KCNU1: variants seen among roughly 807,000 people sequenced by gnomAD.
The protein encoded by KCNU1 is potassium channel subfamily U member 1.
KCNU1 carries 93 observed loss-of-function variants against 126.8 expected under a neutral mutation model. The observed-to-expected ratio is 0.73, with a 90% CI of 0.62 to 0.87. The LOEUF is 0.87. Ranked by LOEUF, KCNU1 falls within the 40% of genes least tolerant of loss-of-function variation. The pLI is 0.00. For missense variants in KCNU1, 1,330 were observed against 1,367.1 expected (o/e 0.97, Z 0.43); for synonymous variants, 523 against 494.2 (o/e 1.06, Z -0.77).
chr8:36,923,035 G>C (rs930502609), intron 24 of KCNU1: 2 of 458,290 alleles, frequency 4.4e-6, no homozygotes, highest in African/African-American at 4.0e-5. Flanking sequence ...AGAAGCTCTG[G>C]CCTTTGCTGG....
chr8:36,855,563 T>C (rs551716944), intron 18 of KCNU1, among the ~76,000 whole-genome samples: 308 of 152,278 alleles, frequency 2.0e-3, no homozygotes, highest in African/African-American at 7.1e-3. Flanking sequence ...GAGCTGGAGA[T>C]GAAACTAGTG....
chr8:36,897,986 C>T (rs1322441929), intron 19 of KCNU1, among the ~76,000 whole-genome samples: 1 of 152,056 alleles, frequency 6.6e-6, no homozygotes, highest in Non-Finnish European at 1.5e-5. Flanking sequence ...AATGTTGTAA[C>T]ACTCAGGATG....
intron 10 of KCNU1, among the ~76,000 whole-genome samples, chr8:36,827,434 G>A (rs1293484247): frequency 1.3e-5 from 2 of 152,098 alleles, no homozygotes; most frequent in African/African-American, 4.8e-5. Flanking sequence ...ATCTCAGATT[G>A]GTAGCTGCTT....
chr8:36,870,515 A>G (rs367903007), intron 19 of KCNU1, among the ~76,000 whole-genome samples: 8 of 152,276 alleles, frequency 5.3e-5, no homozygotes, highest in African/African-American at 1.2e-4. Flanking sequence ...TTTAGCCTCA[A>G]TGATGTCTGA....
At chr8:36,806,188 G>A (rs1322647888) in intron 4 of KCNU1, 81 bp from the exon 5 acceptor site, 1 of 748,090 alleles carries the variant, frequency 1.3e-6, no homozygotes, top group Admixed American at 2.8e-5. Context: ...TAAGTAAAAT[G>A]CAGCTGAATA....
At chr8:36,787,910 T>C (rs1802772142) in intron 2 of KCNU1, among the ~76,000 whole-genome samples, 1 of 149,802 alleles carries the variant, frequency 6.7e-6, no homozygotes, top group Admixed American at 6.7e-5. Context: ...AATCATATTT[T>C]ATATTTATTT....
chr8:36,856,647 G>A (rs1345955680), intron 18 of KCNU1, among the ~76,000 whole-genome samples: 1 of 151,992 alleles, frequency 6.6e-6, no homozygotes, highest in Non-Finnish European at 1.5e-5. Context: ...GCTTCTGTTA[G>A]TATCACACCC....
In KCNU1 at chr8:36,933,037, G is replaced by A. The variant is rs1446735173; in HGVS notation, c.3044+5G>A. On this transcript the variant is annotated splice_donor_5th_base_variant and intron_variant, in intron 26 of 26. Coordinates refer to ENST00000399881, the MANE Select transcript of KCNU1 (RefSeq NM_001031836.3). The stretch of plus-strand genomic sequence containing the variant: ...GCTCAACCCAGAAAACAAAAGGGGA[G>A]TGTGCTAGATTGGAAAGCACCATCC... The A allele has an allele frequency of 2.0e-6, 3 of 1,507,426 alleles. No individual in the cohort carries two copies. The highest frequency in any genetic ancestry group is 2.7e-6 in the Non-Finnish European group (3 of 1,105,178). The allele number at this position is 1,507,426 out of a possible 1,614,324, so 93.4% of individuals were successfully genotyped here. A position where few individuals can be genotyped will look rare whatever the true frequency, so the allele number is the denominator to read the frequency against.
rs560935333 is a variant in KCNU1, at chr8:36,935,204, T to C, written c.3045-311T>C. Among the ~76,000 whole-genome samples, 3 of 151,990 alleles carry C rather than the reference T, an allele frequency of 2.0e-5. No homozygotes were observed. The South Asian group carries it at 6.2e-4, about 31-fold the overall frequency. ...ATCACCGTCTTCCCCCTCTTCCCAC[T>C]GGAACAAAAGATGAGCGCAGCAAGG... On this transcript the variant is annotated intron_variant, in intron 26 of 26. Transcript: ENST00000399881.
chr8:36,917,215 A>G (rs985105340), intron 22 of KCNU1, among the ~76,000 whole-genome samples: 2 of 152,342 alleles, frequency 1.3e-5, no homozygotes, highest in Admixed American at 1.3e-4. Context: ...GAAGGTTTAC[A>G]ATATTTTTTT....
chr8:36,798,277 A>C (rs930151956), intron 2 of KCNU1, among the ~76,000 whole-genome samples: 3 of 152,154 alleles, frequency 2.0e-5, no homozygotes, highest in African/African-American at 4.8e-5. Context: ...ACAAACCATA[A>C]ATTCTCATCA....
chr8:36,787,447 G>C, intron 2 of KCNU1, 22 bp downstream of exon 2: 2 of 1,588,680 alleles, frequency 1.3e-6, no homozygotes, highest in Non-Finnish European at 8.6e-7. Flanking sequence ...TTCAGTGTTA[G>C]CTTGCTAACA....
intron 5 of KCNU1, among the ~76,000 whole-genome samples, chr8:36,806,736 C>T (rs1803517260): frequency 6.6e-6 from 1 of 152,152 alleles, no homozygotes; most frequent in Non-Finnish European, 1.5e-5. Context: ...ATCATCATCT[C>T]CATATGTGCT....
Position 36,840,979 on chromosome 8 carries a change from A to C in KCNU1, c.1679A>C (p.Lys560Thr). Residue 560 changes from lysine (K) to threonine (T), a missense_variant, in exon 16 of 27, where the codon AAG becomes ACG. Coordinates refer to ENST00000399881, the MANE Select transcript of KCNU1 (RefSeq NM_001031836.3). ...CTCCTGTTGATAGCCATCGAATACA[A>C]GTCCCTCTTTACGGATGGTTTCTGG... ...MHLLLIAIEY[K>T]SLFTDGFCGL... The C allele has an allele frequency of 6.2e-7, 1 of 1,610,420 alleles. No individual in the cohort carries two copies. Among genetic ancestry groups the C allele is most frequent in the Non-Finnish European group, 8.5e-7 (1 of 1,178,160 alleles).
In KCNU1 at chr8:36,905,688, T is replaced by C; in HGVS notation, c.2010-20T>C. On this transcript the variant is annotated intron_variant, in intron 19 of 26. Transcript: ENST00000399881. ...GAGCTCCAAATAGTCTCAAACTAAC[T>C]CTCCATTCTTCCTATTTAGGACTCT... 7.7e-7 allele frequency: 1 copy of C among 1,299,146 alleles called. No individual in the cohort carries two copies. The highest frequency in any genetic ancestry group is 1.2e-5 in the South Asian group (1 of 84,932). 80.5% of individuals were successfully genotyped at this position (1,299,146 alleles called of 1,614,324 possible). A position where few individuals can be genotyped will look rare whatever the true frequency, so the allele number is the denominator to read the frequency against.
At chr8:36,883,508 G>A (rs1268230644) in intron 19 of KCNU1, among the ~76,000 whole-genome samples, 1 of 152,160 alleles carries the variant, frequency 6.6e-6, no homozygotes, top group Non-Finnish European at 1.5e-5. Flanking sequence ...CACTGGCTTG[G>A]CAACATGGTT....
At chr8:36,877,306 T>C (rs1194369437) in intron 19 of KCNU1, among the ~76,000 whole-genome samples, 2 of 135,048 alleles carry the variant, frequency 1.5e-5, no homozygotes, top group African/African-American at 2.9e-5. Context: ...TTTTCCTCTG[T>C]TTTTTTTTTT....
intron 19 of KCNU1, among the ~76,000 whole-genome samples, chr8:36,899,403 C>G (rs1368990702): frequency 5.3e-5 from 8 of 152,052 alleles, no homozygotes; most frequent in African/African-American, 1.9e-4. Context: ...ACACTCTGCT[C>G]ACAGCTGATC....
intron 19 of KCNU1, among the ~76,000 whole-genome samples, chr8:36,897,241 A>AT (rs1807229287): frequency 6.6e-6 from 1 of 151,838 alleles, no homozygotes; most frequent in African/African-American, 2.4e-5. Context: ...TTATAGAATC[A>AT]TTCTCTCTCT....
Sources: allele counts gnomAD v4.1 joint callset (sites outside exome capture counted in the v4.1 genomes callset), GRCh38; gene constraint gnomAD v4.1.1; transcripts MANE v1.5; gene names NCBI Gene and HGNC (gene_info 2026-07-23, HGNC 2026-07-21).